Variants in EPB41 observed in about 807,000 individuals in gnomAD.
EPB41 encodes the protein erythrocyte membrane protein band 4.1.
EPB41 carries 65 observed loss-of-function variants against 108.0 expected under a neutral mutation model. The ratio of observed to expected loss-of-function variants is 0.60; its 90% CI spans 0.49 to 0.74. The LOEUF (loss-of-function observed/expected upper bound fraction) is 0.74. Ranked by LOEUF, EPB41 falls within the 30% of genes least tolerant of loss-of-function variation. The pLI is 0.00. For synonymous variants in EPB41, 336 were observed against 358.9 expected (o/e 0.94, Z 0.72); for missense variants, 875 against 1,037.0 (o/e 0.84, Z 2.15).
intron 7 of EPB41, among the ~76,000 whole-genome samples, chr1:29,024,166 C>G (rs189921131): frequency 1.0e-3 from 153 of 151,432 alleles, no homozygotes; most frequent in Non-Finnish European, 1.8e-3. Flanking sequence ...GAAACCCCAT[C>G]TCTACTGAAA....
chr1:28,949,827 C>T lies in EPB41; in HGVS notation c.-8+35059C>T, dbSNP rs183378393. On this transcript the variant is annotated intron_variant, in intron 1 of 20. Transcript: ENST00000343067. ...CCATATTGGCCAGGGTGGTCTCGAT[C>T]TCCTGACCTTGTGATGTGCCCGCCT... Among the ~76,000 whole-genome samples, 12 of 152,236 alleles carry T rather than the reference C, an allele frequency of 7.9e-5. No homozygotes were observed. In the East Asian group the frequency reaches 2.1e-3, roughly 27 times the overall value.
intron 10 of EPB41, among the ~76,000 whole-genome samples, chr1:29,036,975 T>C (rs1211713017): frequency 6.7e-6 from 1 of 149,472 alleles, no homozygotes; most frequent in African/African-American, 2.5e-5. Flanking sequence ...CCACCGTGCC[T>C]GGCCAACCTT....
chr1:28,955,254 T>G (rs1459228121), intron 1 of EPB41, among the ~76,000 whole-genome samples: 2 of 152,232 alleles, frequency 1.3e-5, no homozygotes, highest in East Asian at 3.8e-4. Context: ...GGGACAAGTC[T>G]TATCTTCCTA....
intron 1 of EPB41, among the ~76,000 whole-genome samples, chr1:28,965,583 C>T (rs543641051): frequency 1.3e-5 from 2 of 152,130 alleles, no homozygotes; most frequent in Admixed American, 6.5e-5. Context: ...CACACAACCT[C>T]ATTTTTTTTT....
At chr1:29,066,604 G>A (rs568360583) in intron 16 of EPB41, among the ~76,000 whole-genome samples, 2 of 152,192 alleles carry the variant, frequency 1.3e-5, no homozygotes, top group African/African-American at 4.8e-5. Context: ...TTATGTGCTT[G>A]TTTTTCCCCC....
chr1:29,054,437 C>G (rs1645007538), intron 12 of EPB41: 2 of 150,518 alleles, frequency 1.3e-5, no homozygotes, highest in Non-Finnish European at 1.5e-5. Context: ...AGTAAGTGTT[C>G]TCGCTTTGGC....
At chr1:29,113,878 T>G (rs1027931156) in intron 19 of EPB41, among the ~76,000 whole-genome samples, 1 of 151,994 alleles carries the variant, frequency 6.6e-6, no homozygotes, top group Non-Finnish European at 1.5e-5. Flanking sequence ...CTTTAAGAAC[T>G]GTTAAGGAGA....
At chr1:28,915,731 C>CTTTTT (rs11321625) in intron 1 of EPB41, among the ~76,000 whole-genome samples, 47 of 56,072 alleles carry the variant, frequency 8.4e-4, no homozygotes, top group Non-Finnish European at 1.2e-3. Context: ...TTTTCAGATG[C>CTTTTT]TTTTTTTTTT....
intron 1 of EPB41, among the ~76,000 whole-genome samples, chr1:28,976,705 T>C (rs2095615723): frequency 1.7e-5 from 1 of 60,062 alleles, no homozygotes; most frequent in Non-Finnish European, 2.8e-5. Context: ...CCTGCTGCCC[T>C]GTTGTAGCCC....
intron 1 of EPB41, among the ~76,000 whole-genome samples, chr1:28,947,189 G>T (rs867335945): frequency 6.6e-6 from 1 of 152,118 alleles, no homozygotes; most frequent in Non-Finnish European, 1.5e-5. Context: ...AAGCCAAGGC[G>T]GGTGGATCAC....
intron 16 of EPB41, among the ~76,000 whole-genome samples, chr1:29,076,417 G>C (rs1195332349): frequency 6.6e-6 from 1 of 152,078 alleles, no homozygotes; most frequent in Non-Finnish European, 1.5e-5. Context: ...AGTAGAGGTG[G>C]GATAGTTTTC....
chr1:28,923,829 T>A (rs1436802290), intron 1 of EPB41, among the ~76,000 whole-genome samples: 2 of 152,234 alleles, frequency 1.3e-5, no homozygotes, highest in Non-Finnish European at 2.9e-5. Context: ...TTTTGTTTTA[T>A]GTTTTTAAAT....
rs143753334 is a variant in EPB41 at position 29,005,257 on chromosome 1, T to C, written c.787-6608T>C. On this transcript the variant is annotated intron_variant, in intron 4 of 20. Transcript: ENST00000343067. ...AGGAGGAAGAGGGGGTGGGATGCTA[T>C]GTACTTTGAAACAACCAGATCTTGT... Among the ~76,000 whole-genome samples the C allele has an allele frequency of 3.8e-3, 577 of 152,170 alleles. 6 individuals carry two copies. The highest frequency in any genetic ancestry group is 0.013 in the African/African-American group (535 of 41,524).
At chr1:29,081,573 C>T (rs1015070175) in intron 16 of EPB41, among the ~76,000 whole-genome samples, 4 of 152,156 alleles carry the variant, frequency 2.6e-5, no homozygotes, top group Admixed American at 6.5e-5. Flanking sequence ...CTGTGGCTCA[C>T]GCCTGTAATC....
intron 1 of EPB41, among the ~76,000 whole-genome samples, chr1:28,958,030 G>C (rs1448562680): frequency 6.6e-6 from 1 of 151,692 alleles, no homozygotes; most frequent in African/African-American, 2.4e-5. Context: ...AACCAGGCAG[G>C]TCTCGAACTC....
chr1:28,925,586 T>A (rs147363560), intron 1 of EPB41, among the ~76,000 whole-genome samples: 59 of 151,926 alleles, frequency 3.9e-4, no homozygotes, highest in African/African-American at 1.2e-3. Context: ...TGGAGCAGAG[T>A]CCTAAATGGA....
At chr1:28,999,220 AT>A (rs983912846) in intron 4 of EPB41, among the ~76,000 whole-genome samples, 12 of 152,288 alleles carry the variant, frequency 7.9e-5, no homozygotes, top group Middle Eastern at 3.4e-3. Flanking sequence ...AATACAAAAA[AT>A]TAGCCAGGCA....
At position 28,930,163 on chromosome 1, in the gene EPB41, T is replaced by C. The variant is rs536198276; in HGVS notation, c.-8+15395T>C. Among the ~76,000 whole-genome samples the C allele has an allele frequency of 2.1e-3, 315 of 148,598 alleles. 3 individuals carry two copies. Among genetic ancestry groups the C allele is most frequent in the African/African-American group, 7.1e-3 (287 of 40,624 alleles). ...ATATGTTGCTTCCTTTTTTTTTTTT[T>C]TTTTTTTTAAAGAAACAGAGTCTTA... On this transcript the variant is annotated intron_variant, in intron 1 of 20. Coordinates refer to ENST00000343067, the MANE Select transcript of EPB41 (RefSeq NM_001376013.1).
At chr1:29,097,635 G>C (rs1663682026) in intron 16 of EPB41, 172 bp from the exon 17 acceptor site, 1 of 703,584 alleles carries the variant, frequency 1.4e-6, no homozygotes, top group African/African-American at 1.8e-5. Context: ...TTGACACCTT[G>C]TCAGGGTTAC....
Sources: allele counts gnomAD v4.1 joint callset (sites outside exome capture counted in the v4.1 genomes callset), GRCh38; gene constraint gnomAD v4.1.1; transcripts MANE v1.5; gene names NCBI Gene and HGNC (gene_info 2026-07-23, HGNC 2026-07-21).